The following PTPRT variants were observed in gnomAD, a reference collection of about 807,000 sequenced individuals.
PTPRT encodes the protein receptor-type tyrosine-protein phosphatase T.
In PTPRT, 56 loss-of-function variants were observed where a neutral mutation model predicts 176.8. That is an observed-to-expected ratio of 0.32 (90% confidence interval 0.26 to 0.40). The LOEUF (loss-of-function observed/expected upper bound fraction) is 0.40, where lower values mean the gene tolerates loss of function less well. PTPRT is among the 10% of genes least tolerant of loss of function. PTPRT has a pLI of 1.00. For synonymous variants in PTPRT, 783 were observed against 739.0 expected (o/e 1.06, Z -0.96); for missense variants, 1,540 against 1,908.2 (o/e 0.81, Z 3.60).
chr20:42,307,878 G>T (rs892955352), intron 12 of PTPRT, among the ~76,000 whole-genome samples: 20 of 152,270 alleles, frequency 1.3e-4, no homozygotes, highest in Admixed American at 1.2e-3. Flanking sequence ...GATGAAACAG[G>T]TTGCAGTAAA....
chr20:42,303,120 C>T (rs1199579502), intron 12 of PTPRT, among the ~76,000 whole-genome samples: 2 of 152,160 alleles, frequency 1.3e-5, no homozygotes, highest in Non-Finnish European at 2.9e-5. Flanking sequence ...TTTAAACCAA[C>T]CCAAACCAGA....
chr20:42,941,081 C>CAAAAAA (rs540543601), intron 1 of PTPRT, among the ~76,000 whole-genome samples: 1 of 148,080 alleles, frequency 6.8e-6, no homozygotes, highest in African/African-American at 2.5e-5. Context: ...GACTCCATCT[C>CAAAAAA]AAAAAAAAAT....
At chr20:42,187,314 T>C (rs935444636) in intron 16 of PTPRT, among the ~76,000 whole-genome samples, 1 of 152,164 alleles carries the variant, frequency 6.6e-6, no homozygotes, top group Admixed American at 6.5e-5. Flanking sequence ...CAGGTGAGTG[T>C]AGATTTGAGA....
At chr20:42,141,819 T>A (rs775268625) in intron 18 of PTPRT, 96 bp downstream of exon 18, 84 of 1,179,122 alleles carry the variant, frequency 7.1e-5, no homozygotes, top group Admixed American at 1.4e-4. Context: ...CAGCAAAGAT[T>A]ATTTGATAAC....
intron 6 of PTPRT, among the ~76,000 whole-genome samples, chr20:42,734,026 C>T (rs6124488): frequency 6.6e-6 from 1 of 152,308 alleles, no homozygotes; most frequent in African/African-American, 2.4e-5. Context: ...CAATTCAGAC[C>T]TAGGGGCCCT....
chr20:42,763,661 CT>C (rs1163111796), intron 5 of PTPRT, among the ~76,000 whole-genome samples: 1 of 152,196 alleles, frequency 6.6e-6, no homozygotes, highest in Non-Finnish European at 1.5e-5. Flanking sequence ...CATTTAGAAA[CT>C]TGCTAAAATC....
At chr20:42,949,776 C>A (rs866662255) in intron 1 of PTPRT, among the ~76,000 whole-genome samples, 2 of 152,184 alleles carry the variant, frequency 1.3e-5, no homozygotes, top group Non-Finnish European at 2.9e-5. Flanking sequence ...GTTTGCCAAA[C>A]CATTCCTGAA....
intron 1 of PTPRT, among the ~76,000 whole-genome samples, chr20:42,923,899 C>T (rs530998443): frequency 1.3e-5 from 2 of 151,956 alleles, no homozygotes; most frequent in East Asian, 3.9e-4. Flanking sequence ...GGCTAGAGTG[C>T]AGCAGTGTGA....
chr20:42,376,071 A>T (rs1324226833), intron 9 of PTPRT, among the ~76,000 whole-genome samples: 2 of 152,264 alleles, frequency 1.3e-5, no homozygotes, highest in Admixed American at 6.5e-5. Flanking sequence ...GAATTTTGCC[A>T]ACAGCAAATG....
At chr20:42,034,384 G>C in the PTPRT span, among the ~76,000 whole-genome samples, 5 of 152,252 alleles carry the variant, frequency 3.3e-5, no homozygotes, top group East Asian at 9.7e-4. Context: ...GAGTGAAAGG[G>C]AGAGAGGGAG....
chr20:42,287,129 G>A (rs1198139229), intron 12 of PTPRT, among the ~76,000 whole-genome samples: 1 of 151,938 alleles, frequency 6.6e-6, no homozygotes, highest in African/African-American at 2.4e-5. Flanking sequence ...CTTATACATT[G>A]TTGATGGGAA....
At chr20:43,008,521 T>A (rs8123324) in intron 1 of PTPRT, among the ~76,000 whole-genome samples, 1 of 151,748 alleles carries the variant, frequency 6.6e-6, no homozygotes, top group Non-Finnish European at 1.5e-5. Flanking sequence ...TAAAACCCCA[T>A]CTCTACTAAA....
intron 7 of PTPRT, among the ~76,000 whole-genome samples, chr20:42,553,118 G>A (rs535461636): frequency 2.0e-5 from 3 of 152,250 alleles, no homozygotes; most frequent in East Asian, 1.9e-4. Flanking sequence ...AACTTGCAAT[G>A]ACGCATGTAC....
chr20:42,582,546 T>G (rs1180602124), intron 7 of PTPRT, among the ~76,000 whole-genome samples: 1 of 152,176 alleles, frequency 6.6e-6, no homozygotes, highest in Non-Finnish European at 1.5e-5. Context: ...ATCCCTCACG[T>G]GGGTTGAGCC....
chr20:42,609,854 T>C (rs2073944793), intron 7 of PTPRT, among the ~76,000 whole-genome samples: 1 of 152,234 alleles, frequency 6.6e-6, no homozygotes. Context: ...AGGATGAATG[T>C]GCAGCCGAGC....
At chr20:42,037,201 C>T in the PTPRT span, among the ~76,000 whole-genome samples, 1 of 152,228 alleles carries the variant, frequency 6.6e-6, no homozygotes, top group Non-Finnish European at 1.5e-5. Flanking sequence ...GTACCCTAGC[C>T]TCATCACTTT....
At chr20:42,827,772 G>GC (rs35489328) in intron 2 of PTPRT, among the ~76,000 whole-genome samples, 14,752 of 152,104 alleles carry the variant, frequency 0.097, 787 homozygotes, top group African/African-American at 0.14. Context: ...AAAGGAGATG[G>GC]CCCCCTTTTT....
intron 6 of PTPRT, among the ~76,000 whole-genome samples, chr20:42,689,781 G>T (rs994897205): frequency 6.6e-6 from 1 of 152,072 alleles, no homozygotes; most frequent in Non-Finnish European, 1.5e-5. Context: ...GGCTGTGAGG[G>T]TGGAGAAAGG....
intron 7 of PTPRT, among the ~76,000 whole-genome samples, chr20:42,552,656 GC>G (rs1350176376): frequency 1.3e-5 from 2 of 151,962 alleles, no homozygotes; most frequent in Non-Finnish European, 2.9e-5. Context: ...ACATTCAAAG[GC>G]ACATGTCTAA....
Sources: gnomAD v4.1 joint callset for allele counts (sites outside exome capture counted in the v4.1 genomes callset) on GRCh38, gnomAD v4.1.1 for gene constraint, MANE v1.5 for transcripts, NCBI Gene and HGNC (gene_info 2026-07-23, HGNC 2026-07-21) for gene names.